ASTN1: variants seen among roughly 807,000 people sequenced by gnomAD.
The protein encoded by ASTN1 is astrotactin-1.
In ASTN1, 41 loss-of-function variants were observed where a neutral mutation model predicts 140.7. The observed-to-expected ratio is 0.29, with a 90% CI of 0.23 to 0.38. The LOEUF (loss-of-function observed/expected upper bound fraction) is 0.38. Ranked by LOEUF, ASTN1 falls within the 10% of genes least tolerant of loss-of-function variation. ASTN1 has a pLI of 1.00. For missense variants in ASTN1, 1,479 were observed against 1,678.8 expected (o/e 0.88, Z 2.08); for synonymous variants, 640 against 652.2 (o/e 0.98, Z 0.29).
chr1:177,107,710 C>T (rs758375592), intron 1 of ASTN1, among the ~76,000 whole-genome samples: 3 of 152,314 alleles, frequency 2.0e-5, no homozygotes, highest in Admixed American at 2.0e-4. Context: ...CCTCTTAGAC[C>T]TAAGTCTGGC....
At chr1:177,057,359 G>C (rs1296162089) in intron 2 of ASTN1, among the ~76,000 whole-genome samples, 2 of 151,882 alleles carry the variant, frequency 1.3e-5, no homozygotes, top group African/African-American at 2.4e-5. Flanking sequence ...ATGCCATAAG[G>C]GTCCAAAAAG....
At chr1:176,962,766 T>C (rs1430282618) in intron 9 of ASTN1, among the ~76,000 whole-genome samples, 1 of 152,288 alleles carries the variant, frequency 6.6e-6, no homozygotes, top group East Asian at 1.9e-4. Flanking sequence ...AATTAATTAG[T>C]TTGCTCTGGG....
At position 176,862,406 on chromosome 1, in the gene ASTN1, G is replaced by A. The variant is rs888543895; in HGVS notation, c.*1878C>T. The A allele has an allele frequency of 6.5e-5, 64 of 985,308 alleles. No homozygotes were observed. The highest frequency in any genetic ancestry group is 6.1e-5 in the Admixed American group (1 of 16,264). The allele number at this position is 985,308 out of a possible 1,614,324, so 61.0% of individuals were successfully genotyped here. On this transcript the variant is annotated 3_prime_UTR_variant, in exon 23 of 23. Transcript: ENST00000361833. ...AACTAGGGGTCCCAAGGGTGCTCTA[G>A]CTCCAAAGGCTAAGGGCGTACTTTC...
At chr1:177,103,562 GA>G (rs1480603395) in intron 1 of ASTN1, among the ~76,000 whole-genome samples, 1 of 152,064 alleles carries the variant, frequency 6.6e-6, no homozygotes, top group African/African-American at 2.4e-5. Flanking sequence ...TACAGAGAAG[GA>G]ACAGCAGATA....
chr1:176,980,666 G>C (rs771953330), intron 8 of ASTN1, among the ~76,000 whole-genome samples: 1 of 152,116 alleles, frequency 6.6e-6, no homozygotes, highest in Non-Finnish European at 1.5e-5. Context: ...AGATCAAAGA[G>C]AGGAGTTTTG....
chr1:177,127,124 A>C (rs903613224), intron 1 of ASTN1, among the ~76,000 whole-genome samples: 5 of 148,090 alleles, frequency 3.4e-5, no homozygotes, highest in African/African-American at 1.3e-4. Context: ...CATGGGCTGC[A>C]AAAAATGAAG....
intron 4 of ASTN1, 151 bp downstream of exon 4, chr1:177,030,654 TG>T: frequency 9.9e-7 from 1 of 1,006,858 alleles, no homozygotes. Flanking sequence ...TACATTTTTT[TG>T]GTAAGTAGCA....
chr1:177,149,567 C>CAGTGTATATATATAGTAAATATATAT lies in ASTN1; in HGVS notation c.283+14826_283+14827insATATATATTTACTATATATATACACT, dbSNP rs1459837570. Among the ~76,000 whole-genome samples the CAGTGTATATATATAGTAAATATATAT allele has an allele frequency of 5.1e-4, 35 of 68,564 alleles. 4 individuals carry two copies. The highest frequency in any genetic ancestry group is 7.1e-4 in the Non-Finnish European group (31 of 43,876). The allele number at this position is 68,564 out of a possible 152,430, so 45.0% of individuals were successfully genotyped here. ...AGTATATATATAGTAAATATATATA[C>CAGTGTATATATATAGTAAATATATAT]ACTGTATATATATAGTAAATATATA... On this transcript the variant is annotated intron_variant, in intron 1 of 22. Transcript: ENST00000361833.
chr1:177,063,009 G>A (rs923708011), intron 1 of ASTN1, among the ~76,000 whole-genome samples: 2 of 152,144 alleles, frequency 1.3e-5, no homozygotes, highest in African/African-American at 4.8e-5. Flanking sequence ...TAGCCTCTGA[G>A]GATGATGATA....
intron 7 of ASTN1, among the ~76,000 whole-genome samples, chr1:177,022,187 T>C (rs1408019270): frequency 6.6e-6 from 1 of 152,110 alleles, no homozygotes; most frequent in African/African-American, 2.4e-5. Context: ...CTTAGACTCA[T>C]CCTCTATTAA....
chr1:177,099,164 G>A (rs1680185544), intron 1 of ASTN1, among the ~76,000 whole-genome samples: 1 of 152,034 alleles, frequency 6.6e-6, no homozygotes, highest in Admixed American at 6.6e-5. Context: ...AAAAATTAAG[G>A]ACAAAGTATT....
At chr1:176,954,647 G>A (rs1264892683) in intron 11 of ASTN1, among the ~76,000 whole-genome samples, 1 of 152,186 alleles carries the variant, frequency 6.6e-6, no homozygotes, top group African/African-American at 2.4e-5. Flanking sequence ...GAAAACTGCT[G>A]CTCTTGTATA....
chr1:177,087,952 C>T (rs1327890329), intron 1 of ASTN1, among the ~76,000 whole-genome samples: 2 of 152,202 alleles, frequency 1.3e-5, no homozygotes, highest in Non-Finnish European at 2.9e-5. Context: ...TGCATTTCAG[C>T]ACCAGCTCAG....
chr1:176,944,672 C>T (rs538111935), intron 13 of ASTN1, among the ~76,000 whole-genome samples: 1 of 152,272 alleles, frequency 6.6e-6, no homozygotes, highest in Admixed American at 6.5e-5. Flanking sequence ...GTGAGGGCTG[C>T]GGAAATGGGA....
At chr1:177,054,779 C>A (rs184501687) in intron 2 of ASTN1, among the ~76,000 whole-genome samples, 7 of 152,232 alleles carry the variant, frequency 4.6e-5, no homozygotes, top group Admixed American at 1.3e-4. Flanking sequence ...AATGGAGTGT[C>A]AAACACATAA....
At chr1:176,954,758 T>C (rs1238544844) in intron 11 of ASTN1, among the ~76,000 whole-genome samples, 1 of 152,172 alleles carries the variant, frequency 6.6e-6, no homozygotes, top group Non-Finnish European at 1.5e-5. Context: ...GGAACCCTCA[T>C]GAAATTTCAG....
intron 1 of ASTN1, among the ~76,000 whole-genome samples, chr1:177,064,440 C>T (rs1412874886): frequency 1.3e-5 from 2 of 152,190 alleles, no homozygotes; most frequent in East Asian, 3.9e-4. Flanking sequence ...AGTTCCATAC[C>T]TATTAGCAGT....
chr1:177,147,042 A>T (rs552761067), intron 1 of ASTN1, among the ~76,000 whole-genome samples: 219 of 152,090 alleles, frequency 1.4e-3, no homozygotes, highest in African/African-American at 5.0e-3. Context: ...GATTTTTTTA[A>T]AAAAAAACAG....
At chr1:177,060,630 C>T (rs1404504887) in intron 2 of ASTN1, among the ~76,000 whole-genome samples, 4 of 152,146 alleles carry the variant, frequency 2.6e-5, no homozygotes, top group Non-Finnish European at 5.9e-5. Context: ...CAGGTCTCAG[C>T]CTCCCAAGTA....
Sources: gnomAD v4.1 joint callset for allele counts (sites outside exome capture counted in the v4.1 genomes callset) on GRCh38, gnomAD v4.1.1 for gene constraint, MANE v1.5 for transcripts, NCBI Gene and HGNC (gene_info 2026-07-23, HGNC 2026-07-21) for gene names.